The following CNTN4 variants were observed in gnomAD, a reference collection of about 807,000 sequenced individuals.
CNTN4 encodes contactin-4.
A neutral mutation model predicts 122.5 loss-of-function variants in CNTN4; 77 were observed. That is an observed-to-expected ratio of 0.63 (90% CI 0.52 to 0.76). CNTN4 has a LOEUF of 0.76. Ranked by LOEUF, CNTN4 falls within the 30% of genes least tolerant of loss-of-function variation. The pLI, the probability that CNTN4 is intolerant of heterozygous loss-of-function variation, is 0.00. For synonymous variants in CNTN4, 512 were observed against 447.0 expected, an observed-to-expected ratio of 1.15 and a Z score of -1.83; for missense variants, 1,256 against 1,259.1, an observed-to-expected ratio of 1.00 and a Z score of 0.04.
At position 2,913,298 on chromosome 3, in the gene CNTN4, G is replaced by A. The variant is rs944960853; in HGVS notation, c.1207+10293G>A. Among the ~76,000 whole-genome samples, 8 of 152,296 alleles carry A rather than the reference G, an allele frequency of 5.3e-5. No homozygotes were observed. The East Asian group carries it at 1.5e-3, about 29-fold the overall frequency. On this transcript the variant is annotated intron_variant, in intron 12 of 24. Transcript: ENST00000418658. ...CAAATGAACAAAATGGCAATTGTAA[G>A]CCCTTCCCTATCTCTAATTATTTTA...
chr3:2,880,471 G>C (rs887858431), intron 8 of CNTN4, among the ~76,000 whole-genome samples: 11 of 152,192 alleles, frequency 7.2e-5, no homozygotes, highest in African/African-American at 2.7e-4. Context: ...ATATTTATGG[G>C]ATGATGATTC....
intron 13 of CNTN4, among the ~76,000 whole-genome samples, chr3:2,935,041 G>T (rs1365480294): frequency 1.3e-5 from 2 of 151,828 alleles, no homozygotes; most frequent in Non-Finnish European, 2.9e-5. Context: ...AGGGAGATTG[G>T]TGTTTTAAAA....
chr3:3,035,943 A>G (rs540554380), intron 17 of CNTN4, among the ~76,000 whole-genome samples: 23 of 150,486 alleles, frequency 1.5e-4, no homozygotes, highest in African/African-American at 5.7e-4. Flanking sequence ...AAAAAAAAAC[A>G]TTGTTAGCAG....
intron 3 of CNTN4, among the ~76,000 whole-genome samples, chr3:2,358,893 G>A (rs933779058): frequency 1.3e-5 from 2 of 152,078 alleles, no homozygotes; most frequent in African/African-American, 2.4e-5. Context: ...TGGCTAGTCC[G>A]GTGCAGGCTG....
At chr3:2,404,920 C>A (rs1464434548) in intron 3 of CNTN4, among the ~76,000 whole-genome samples, 1 of 152,086 alleles carries the variant, frequency 6.6e-6, no homozygotes, top group African/African-American at 2.4e-5. Context: ...GACAGTCATC[C>A]CCATTTCTTC....
In CNTN4 at chr3:2,647,434, T is replaced by C. The variant is rs533779618; in HGVS notation, c.55+75876T>C. ...ATAAATAAATAGCATAAGTAACCTA[T>C]GCCTTATCTCAAGGTCTTGGCCCAT... On this transcript the variant is annotated intron_variant, in intron 4 of 24. Coordinates refer to ENST00000418658, the MANE Select transcript of CNTN4 (RefSeq NM_175607.3). Among the ~76,000 whole-genome samples, 51 of 152,186 alleles carry C rather than the reference T, an allele frequency of 3.4e-4. 1 individual carries two copies. Among genetic ancestry groups the C allele is most frequent in the African/African-American group, 1.2e-3 (49 of 41,536 alleles).
chr3:2,334,997 C>A (rs957383833), intron 2 of CNTN4, among the ~76,000 whole-genome samples: 1 of 152,100 alleles, frequency 6.6e-6, no homozygotes, highest in African/African-American at 2.4e-5. Context: ...TGACCTAGAC[C>A]TTGCCAGCTG....
chr3:2,871,115 AGT>A (rs1281566949), intron 8 of CNTN4, among the ~76,000 whole-genome samples: 1 of 152,190 alleles, frequency 6.6e-6, no homozygotes. Context: ...GAAGCCAAGC[AGT>A]CCAGGCAGAG....
At position 2,560,929 on chromosome 3, in the gene CNTN4, T is replaced by C. The variant is rs182582534; in HGVS notation, c.-88-10487T>C. 1.3e-3 allele frequency among the ~76,000 whole-genome samples: 204 copies of C among 152,352 alleles called. 3 individuals are homozygous for C. The highest frequency in any genetic ancestry group is 4.8e-3 in the African/African-American group (200 of 41,570). On this transcript the variant is annotated intron_variant, in intron 3 of 24. Coordinates refer to ENST00000418658, the MANE Select transcript of CNTN4 (RefSeq NM_175607.3). ...TATAGCCTATTACAACTTCAGTTTTTATGTTTGAAATCTTATTTCTGCTTC... is the reference window on the plus strand; with the variant it reads ...TATAGCCTATTACAACTTCAGTTTTCATGTTTGAAATCTTATTTCTGCTTC...
intron 4 of CNTN4, among the ~76,000 whole-genome samples, chr3:2,640,677 C>T (rs1019463912): frequency 8.5e-5 from 13 of 152,188 alleles, no homozygotes; most frequent in South Asian, 8.3e-4. Context: ...ATATCTTTCA[C>T]ACACTGTGCA....
chr3:2,160,085 C>T (rs4267633), intron 2 of CNTN4, among the ~76,000 whole-genome samples: 13,855 of 151,984 alleles, frequency 0.091, 1,108 homozygotes, highest in East Asian at 0.31. Context: ...GCATAGTTTC[C>T]TAATTTGCTT....
chr3:2,290,860 C>G (rs1156536870), intron 2 of CNTN4, among the ~76,000 whole-genome samples: 1 of 152,096 alleles, frequency 6.6e-6, no homozygotes, highest in African/African-American at 2.4e-5. Context: ...AACTTCGGGT[C>G]TGAACTTTGT....
chr3:2,167,047 A>G (rs563425969), intron 2 of CNTN4, among the ~76,000 whole-genome samples: 1 of 152,314 alleles, frequency 6.6e-6, no homozygotes, highest in South Asian at 2.1e-4. Flanking sequence ...TGTGTACATC[A>G]GACATAGATG....
rs1215206872 is a variant in CNTN4 at position 2,916,737 on chromosome 3, C to T, written c.1208-8892C>T. Among the ~76,000 whole-genome samples, 51 of 143,624 alleles carry T rather than the reference C, an allele frequency of 3.6e-4. 3 individuals are homozygous for T. The highest frequency in any genetic ancestry group is 7.8e-4 in the African/African-American group (28 of 35,702). The allele number at this position is 143,624 out of a possible 152,430, so 94.2% of individuals were successfully genotyped here. On this transcript the variant is annotated intron_variant, in intron 12 of 24. Transcript: ENST00000418658. ...TGGGTACACCTCCCAGACGGGGTGG[C>T]GGCCGGGCAGAGGGGCTCCTCACTT... is the stretch of plus-strand genomic sequence containing the variant.
intron 3 of CNTN4, among the ~76,000 whole-genome samples, chr3:2,526,092 A>G (rs896105061): frequency 1.3e-5 from 2 of 152,092 alleles, no homozygotes; most frequent in Admixed American, 6.6e-5. Flanking sequence ...GTGAGTTTCT[A>G]TTTATAATCC....
At chr3:2,904,258 C>G (rs2094205807) in intron 12 of CNTN4, among the ~76,000 whole-genome samples, 1 of 152,178 alleles carries the variant, frequency 6.6e-6, no homozygotes, top group Non-Finnish European at 1.5e-5. Context: ...TTCACGTGCT[C>G]TGATAAATTG....
At chr3:2,447,789 T>C (rs1212594837) in intron 3 of CNTN4, among the ~76,000 whole-genome samples, 1 of 152,158 alleles carries the variant, frequency 6.6e-6, no homozygotes, top group Non-Finnish European at 1.5e-5. Flanking sequence ...AATTGAGTAC[T>C]TCTTATGTGT....
At chr3:2,703,145 G>C (rs775266118) in intron 4 of CNTN4, among the ~76,000 whole-genome samples, 2 of 152,172 alleles carry the variant, frequency 1.3e-5, no homozygotes, top group African/African-American at 4.8e-5. Flanking sequence ...AGAAGGTTTA[G>C]TAAATTGCTT....
At chr3:2,832,619 G>C (rs2093128568) in intron 7 of CNTN4, among the ~76,000 whole-genome samples, 1 of 152,190 alleles carries the variant, frequency 6.6e-6, no homozygotes, top group African/African-American at 2.4e-5. Flanking sequence ...GTTGTCAAAA[G>C]AAGCCAACAT....
Sources: gnomAD v4.1 joint callset for allele counts (sites outside exome capture counted in the v4.1 genomes callset) on GRCh38, gnomAD v4.1.1 for gene constraint, MANE v1.5 for transcripts, NCBI Gene and HGNC (gene_info 2026-07-23, HGNC 2026-07-21) for gene names.